Variants in ATP10B observed in about 807,000 individuals in gnomAD.
The protein encoded by ATP10B is ATPase phospholipid transporting 10B (putative), also known as phospholipid-transporting ATPase VB.
Under a neutral mutation model 141.2 loss-of-function variants are expected in ATP10B, and 122 were observed. The observed-to-expected ratio is 0.86, with a 90% CI of 0.75 to 1.00. The LOEUF is 1.00. Ranked by LOEUF, ATP10B falls within the 50% of genes least tolerant of loss-of-function variation. The pLI is 0.00. For missense variants in ATP10B, 1,876 were observed against 1,825.3 expected (o/e 1.03, Z -0.51); for synonymous variants, 685 against 692.0 (o/e 0.99, Z 0.16).
intron 22 of ATP10B, among the ~76,000 whole-genome samples, chr5:160,595,838 C>T (rs1376621360): frequency 6.6e-6 from 1 of 151,046 alleles, no homozygotes; most frequent in Non-Finnish European, 1.5e-5. Flanking sequence ...CAATACTAAA[C>T]CAGGAAGAAG....
At chr5:160,724,704 C>A (rs1050593461) in intron 2 of ATP10B, among the ~76,000 whole-genome samples, 1 of 152,096 alleles carries the variant, frequency 6.6e-6, no homozygotes, top group Admixed American at 6.5e-5. Flanking sequence ...AGGTCATGTG[C>A]CCCCTCAAAG....
chr5:160,839,948 A>C (rs1401600379), intron 1 of ATP10B, among the ~76,000 whole-genome samples: 4 of 152,112 alleles, frequency 2.6e-5, no homozygotes. Flanking sequence ...AATAGCATTC[A>C]TGTACACAGA....
intron 6 of ATP10B, among the ~76,000 whole-genome samples, chr5:160,675,576 T>C (rs1762976813): frequency 6.6e-6 from 1 of 152,114 alleles, no homozygotes; most frequent in Non-Finnish European, 1.5e-5. Context: ...TCAGAAGGAT[T>C]AGTTAACTTG....
Position 160,622,442 on chromosome 5 carries a change from G to A in ATP10B, c.1764C>T (p.Thr588=). ...TGGACACCATGACAGAGTTGCAGATGGTTAAGGCAAGGAAGAAATCAGCAA... is the reference window on the plus strand; with the variant it reads ...TGGACACCATGACAGAGTTGCAGATAGTTAAGGCAAGGAAGAAATCAGCAA... The part of the protein sequence containing the change: ...SSIADFFLAL[T]ICNSVMVSTT... Residue 588 remains threonine, a synonymous_variant, in exon 14 of 26, where the codon ACC becomes ACT. Coordinates refer to ENST00000327245, the MANE Select transcript of ATP10B (RefSeq NM_025153.3). 1 of 1,614,076 alleles carries A rather than the reference G, an allele frequency of 6.2e-7. No homozygotes were observed. Among genetic ancestry groups the A allele is most frequent in the Non-Finnish European group, 8.5e-7 (1 of 1,180,016 alleles).
intron 2 of ATP10B, among the ~76,000 whole-genome samples, chr5:160,755,208 T>A (rs6556521): frequency 6.6e-6 from 1 of 151,834 alleles, no homozygotes; most frequent in African/African-American, 2.4e-5. Flanking sequence ...GAAGAGACAG[T>A]GAAGGGAGAG....
chr5:160,817,952 G>A (rs376738704), intron 1 of ATP10B, among the ~76,000 whole-genome samples: 33 of 152,226 alleles, frequency 2.2e-4, no homozygotes, highest in Admixed American at 5.9e-4. Context: ...CCATATGTAG[G>A]AAGCTGAAAC....
intron 14 of ATP10B, 56 bp from the exon 15 acceptor site, chr5:160,621,006 A>G: frequency 6.5e-7 from 1 of 1,546,774 alleles, no homozygotes; most frequent in Admixed American, 1.9e-5. Context: ...AATAATACCA[A>G]GTTGTCTTAT....
chr5:160,815,007 A>T (rs906478106), intron 1 of ATP10B, among the ~76,000 whole-genome samples: 2 of 152,162 alleles, frequency 1.3e-5, no homozygotes, highest in African/African-American at 4.8e-5. Flanking sequence ...GAAAGGAAAA[A>T]CTGGGACCAG....
At position 160,821,601 on chromosome 5, in the gene ATP10B, G is replaced by T. The variant is rs571209170; in HGVS notation, c.-576+30340C>A. Among the ~76,000 whole-genome samples the T allele has an allele frequency of 2.7e-4, 41 of 152,098 alleles. No individual in the cohort carries two copies. The South Asian group carries it at 7.7e-3, about 28-fold the overall frequency. ...CAGAATTAGAAGAATCACATTACCT[G>T]ACTTTATACTACTAAGCTATAGTAA... On this transcript the variant is annotated intron_variant, in intron 1 of 25. Coordinates refer to ENST00000327245, the MANE Select transcript of ATP10B (RefSeq NM_025153.3).
intron 1 of ATP10B, among the ~76,000 whole-genome samples, chr5:160,820,564 CA>C (rs1409439374): frequency 2.0e-5 from 3 of 151,982 alleles, no homozygotes; most frequent in Non-Finnish European, 4.4e-5. Flanking sequence ...ACTCTGATAC[CA>C]AAACCAGACA....
chr5:160,774,136 A>G (rs533687767), intron 2 of ATP10B, among the ~76,000 whole-genome samples: 3 of 152,086 alleles, frequency 2.0e-5, no homozygotes, highest in Middle Eastern at 3.4e-3. Context: ...GTTCATTAGA[A>G]GCGTTTCCAG....
the ATP10B span, among the ~76,000 whole-genome samples, chr5:160,906,941 C>T: frequency 2.0e-5 from 3 of 152,240 alleles, no homozygotes; most frequent in East Asian, 5.8e-4. Context: ...CTTGTTTGAC[C>T]TGTATGTGAC....
chr5:160,868,639 T>C, the ATP10B span, among the ~76,000 whole-genome samples: 1 of 151,900 alleles, frequency 6.6e-6, no homozygotes, highest in Admixed American at 6.6e-5. Context: ...GAAAAGTCTC[T>C]CTTTCCTGGA....
chr5:160,929,168 G>A, the ATP10B span, among the ~76,000 whole-genome samples: 1 of 152,186 alleles, frequency 6.6e-6, no homozygotes, highest in Non-Finnish European at 1.5e-5. Context: ...AATTGGTGGA[G>A]AGAACTGAGA....
At chr5:160,746,414 C>T (rs1327085125) in intron 2 of ATP10B, among the ~76,000 whole-genome samples, 5 of 148,844 alleles carry the variant, frequency 3.4e-5, no homozygotes, top group African/African-American at 9.9e-5. Flanking sequence ...TTTTTTGAGA[C>T]TGAGTCTTGC....
chr5:160,678,438 C>A (rs531577668), intron 6 of ATP10B, among the ~76,000 whole-genome samples: 2 of 152,236 alleles, frequency 1.3e-5, no homozygotes, highest in African/African-American at 4.8e-5. Context: ...GTGGGAGGAC[C>A]ACTTGAGGCC....
intron 3 of ATP10B, among the ~76,000 whole-genome samples, chr5:160,704,116 G>A (rs1764837773): frequency 6.6e-6 from 1 of 152,052 alleles, no homozygotes; most frequent in South Asian, 2.1e-4. Flanking sequence ...AACTGGGAGT[G>A]CCATGATCAT....
chr5:160,775,834 C>G (rs1770268793), intron 2 of ATP10B, among the ~76,000 whole-genome samples: 2 of 152,054 alleles, frequency 1.3e-5, no homozygotes, highest in African/African-American at 4.8e-5. Flanking sequence ...GCACCCGCCA[C>G]CATGCCCGGC....
chr5:160,629,522 C>A (rs1440510133), intron 13 of ATP10B, among the ~76,000 whole-genome samples: 6 of 152,100 alleles, frequency 3.9e-5, no homozygotes, highest in South Asian at 4.2e-4. Flanking sequence ...ACCAAATATA[C>A]CAGGATCTCA....
Sources: allele counts gnomAD v4.1 joint callset (sites outside exome capture counted in the v4.1 genomes callset), GRCh38; gene constraint gnomAD v4.1.1; transcripts MANE v1.5; gene names NCBI Gene and HGNC (gene_info 2026-07-23, HGNC 2026-07-21).